The following PEX13 variants were observed in gnomAD, a reference collection of about 807,000 sequenced individuals.
PEX13 encodes peroxisome biogenesis factor 13.
PEX13 carries 28 observed loss-of-function variants against 34.5 expected under a neutral mutation model. That is an observed-to-expected ratio of 0.81 (90% CI 0.60 to 1.11). The LOEUF is 1.11. PEX13 is among the 50% of genes most tolerant of loss of function. The pLI is 0.00. For missense variants in PEX13, 550 were observed against 491.0 expected, an observed-to-expected ratio of 1.12 and a Z score of -1.13; for synonymous variants, 177 against 175.1, an observed-to-expected ratio of 1.01 and a Z score of -0.09.
intron 2 of PEX13, among the ~76,000 whole-genome samples, chr2:61,043,880 A>G (rs1183501296): frequency 1.3e-5 from 2 of 152,188 alleles, no homozygotes; most frequent in East Asian, 3.8e-4. Flanking sequence ...TTCTGAACAG[A>G]ACTCCTTTTC....
intron 2 of PEX13, among the ~76,000 whole-genome samples, chr2:61,037,105 A>G (rs1680548702): frequency 6.6e-6 from 1 of 152,240 alleles, no homozygotes; most frequent in Non-Finnish European, 1.5e-5. Context: ...CCAATACAGG[A>G]GCACCCAGAT....
rs1216579473 is a variant in PEX13 at position 61,050,958 on chromosome 2, T to A, written c.*2188T>A. ...TTTCTAATAGACTATGTTCAACAAA[T>A]AAGTAATTCTCGAATAGTTCAGATT... On this transcript the variant is annotated 3_prime_UTR_variant, in exon 4 of 4. Coordinates refer to ENST00000295030, the MANE Select transcript of PEX13 (RefSeq NM_002618.4). 3 of 152,318 alleles carry A rather than the reference T, an allele frequency of 2.0e-5. No individual in the cohort carries two copies. Among genetic ancestry groups the A allele is most frequent in the Non-Finnish European group, 4.4e-5 (3 of 68,026 alleles). The allele number at this position is 152,318 out of a possible 1,614,324, so 9.4% of individuals were successfully genotyped here.
At chr2:61,035,844 G>C (rs940465197) in intron 2 of PEX13, among the ~76,000 whole-genome samples, 3 of 152,044 alleles carry the variant, frequency 2.0e-5, no homozygotes, top group Admixed American at 1.3e-4. Flanking sequence ...TTAGCCGGGC[G>C]TGTTGGCACA....
At chr2:61,045,589 G>C in intron 2 of PEX13, 137 bp from the exon 3 acceptor site, 1 of 677,874 alleles carries the variant, frequency 1.5e-6, no homozygotes, top group Non-Finnish European at 2.6e-6. Flanking sequence ...ATTTAACATA[G>C]TATTCATTAT....
At chr2:61,032,539 A>G (rs1680469902) in intron 2 of PEX13, among the ~76,000 whole-genome samples, 1 of 152,218 alleles carries the variant, frequency 6.6e-6, no homozygotes, top group Admixed American at 6.5e-5. Context: ...TGTGTGTTTT[A>G]TCTCATTTAA....
rs138300524 is a variant in PEX13 at position 61,027,848 on chromosome 2, C to T, written c.93-3571C>T. On this transcript the variant is annotated intron_variant, in intron 1 of 3. Transcript: ENST00000295030. The stretch of plus-strand genomic sequence containing the variant: ...GCCTGAATGCACTGCACTATCTGGC[C>T]GTTCACTGGCTCCTTTTAAGTTTTG... Among the ~76,000 whole-genome samples, 7 of 152,138 alleles carry T rather than the reference C, an allele frequency of 4.6e-5. No individual in the cohort carries two copies. In the East Asian group the frequency reaches 5.8e-4, roughly 13 times the overall value.
At chr2:61,043,972 C>T (rs890022344) in intron 2 of PEX13, among the ~76,000 whole-genome samples, 88 of 152,230 alleles carry the variant, frequency 5.8e-4, no homozygotes, top group African/African-American at 2.1e-3. Context: ...TTTTTGGAGA[C>T]AGGGTCTTGC....
intron 1 of PEX13, among the ~76,000 whole-genome samples, chr2:61,023,212 C>T (rs1680293021): frequency 1.3e-5 from 2 of 151,974 alleles, no homozygotes; most frequent in Admixed American, 1.3e-4. Context: ...GCCTTGTTTC[C>T]CAGGCTGGTC....
chr2:61,017,740 G>A lies in PEX13; in HGVS notation c.-20G>A, dbSNP rs868805865. ...TGGACAGTCAGGGGTAGGAGCGGGA[G>A]CCGAGAGGAGGCGGAGGAGATGGCG... is the stretch of plus-strand genomic sequence containing the variant. On this transcript the variant is annotated 5_prime_UTR_variant, in exon 1 of 4. Transcript: ENST00000295030. The A allele has an allele frequency of 4.5e-6, 7 of 1,546,156 alleles. No individual in the cohort carries two copies. In the Middle Eastern group the frequency reaches 9.8e-4, roughly 217 times the overall value.
At chr2:61,021,477 A>C (rs1278186231) in intron 1 of PEX13, among the ~76,000 whole-genome samples, 2 of 152,152 alleles carry the variant, frequency 1.3e-5, no homozygotes, top group Non-Finnish European at 2.9e-5. Context: ...AGGGGAATCC[A>C]CCATTGCTGA....
chr2:61,024,056 C>T (rs1680311262), intron 1 of PEX13, among the ~76,000 whole-genome samples: 1 of 152,170 alleles, frequency 6.6e-6, no homozygotes, highest in Non-Finnish European at 1.5e-5. Flanking sequence ...CTAGGTCTCC[C>T]AAAGTGCTGG....
In PEX13 at chr2:61,048,755, A is replaced by G. The variant is rs1680751470; in HGVS notation, c.1197A>G (p.Glu399=). 1 of 1,613,354 alleles carries G rather than the reference A, an allele frequency of 6.2e-7. No homozygotes were observed. The highest frequency in any genetic ancestry group is 8.5e-7 in the Non-Finnish European group (1 of 1,179,360). ...VAPDSIGKDG[E]KQDL is the part of the protein sequence containing the mutation. ...CTGATTCCATTGGGAAAGATGGAGA[A>G]AAGCAAGATCTTTGATATCTTTCAT... Residue 399 remains glutamate, a synonymous_variant, in exon 4 of 4, where the codon GAA becomes GAG. Transcript: ENST00000295030.
At position 61,045,843 on chromosome 2, in the gene PEX13, C is replaced by G. The variant is rs770549469; in HGVS notation, c.905C>G (p.Ala302Gly). The change falls in exon 3 of 4, where the codon GCT becomes GGT. Residue 302 changes from alanine (A) to glycine (G), a missense_variant. Transcript: ENST00000295030. ...SFRAGDMLNL[A>G]LKEQQPKVRG... is the part of the protein sequence containing the mutation. ...CGGGCTGGTGATATGCTGAACTTAGCTCTCAAAGGTAATAAATTATGAATA... is the reference window on the plus strand; with the variant it reads ...CGGGCTGGTGATATGCTGAACTTAGGTCTCAAAGGTAATAAATTATGAATA... 1.2e-6 allele frequency: 2 copies of G among 1,611,780 alleles called. No individual in the cohort carries two copies. Among genetic ancestry groups the G allele is most frequent in the Non-Finnish European group, 1.7e-6 (2 of 1,177,930 alleles).
chr2:61,049,192 G>T lies in PEX13; in HGVS notation c.*422G>T. ...CATGTCAGTATGAGAACAGGCAAAA[G>T]GTAAATTTTTTTTTTTTTTTACAAC... On this transcript the variant is annotated 3_prime_UTR_variant, in exon 4 of 4. Transcript: ENST00000295030. 6.2e-6 allele frequency: 1 copy of T among 162,074 alleles called. No homozygotes were observed. The allele number at this position is 162,074 out of a possible 1,614,324, so 10.0% of individuals were successfully genotyped here.
chr2:61,031,714 T>C lies in PEX13; in HGVS notation c.388T>C (p.Phe130Leu). 8 of 1,614,232 alleles carry C rather than the reference T, an allele frequency of 5.0e-6. No homozygotes were observed. The highest frequency in any genetic ancestry group is 6.8e-6 in the Non-Finnish European group (8 of 1,180,040). ...AGCTGAAGAAAGCAGCAGGGGTGCA[T>C]TTCAGTCCATTGAAAGTATTGTGCA... is the stretch of plus-strand genomic sequence containing the variant. ...QQAEESSRGA[F>L]QSIESIVHAF... Residue 130 changes from phenylalanine to leucine, a missense_variant, in exon 2 of 4, where the codon TTT becomes CTT. Transcript: ENST00000295030.
chr2:61,020,167 A>G (rs1680230342), intron 1 of PEX13, among the ~76,000 whole-genome samples: 1 of 152,224 alleles, frequency 6.6e-6, no homozygotes, highest in Non-Finnish European at 1.5e-5. Flanking sequence ...CGGAGCTTGC[A>G]GTGAGCCAAG....
At chr2:61,036,167 G>A (rs192025567) in intron 2 of PEX13, among the ~76,000 whole-genome samples, 168 of 152,256 alleles carry the variant, frequency 1.1e-3, no homozygotes, top group African/African-American at 3.8e-3. Context: ...TGATGTACCG[G>A]AAAGTGATAG....
Position 61,048,942 on chromosome 2 carries a change from G to A in PEX13, c.*172G>A. On this transcript the variant is annotated 3_prime_UTR_variant, in exon 4 of 4. Coordinates refer to ENST00000295030, the MANE Select transcript of PEX13 (RefSeq NM_002618.4). ...CACTAGTATGTTGGTCTGGTGACCTGGTTACATTTTATTATACACATTATT... is the reference window on the plus strand; with the variant it reads ...CACTAGTATGTTGGTCTGGTGACCTAGTTACATTTTATTATACACATTATT... 3 of 621,358 alleles carry A rather than the reference G, an allele frequency of 4.8e-6. No homozygotes were observed. Among genetic ancestry groups the A allele is most frequent in the South Asian group, 2.0e-5 (1 of 50,762 alleles). The allele number at this position is 621,358 out of a possible 1,614,324, so 38.5% of individuals were successfully genotyped here.
intron 1 of PEX13, chr2:61,018,913 AATT>A (rs1680181216): frequency 6.6e-6 from 1 of 152,242 alleles, no homozygotes; most frequent in Admixed American, 6.6e-5. Context: ...TTTTATGTAA[AATT>A]AACCATTTTC....
Sources: gnomAD v4.1 joint callset for allele counts (sites outside exome capture counted in the v4.1 genomes callset) on GRCh38, gnomAD v4.1.1 for gene constraint, MANE v1.5 for transcripts, NCBI Gene and HGNC (gene_info 2026-07-23, HGNC 2026-07-21) for gene names.